The following PDE4D variants were observed in gnomAD, a reference collection of about 807,000 sequenced individuals.
PDE4D encodes the protein 3',5'-cyclic-AMP phosphodiesterase 4D.
Under a neutral mutation model 87.4 loss-of-function variants are expected in PDE4D, and 24 were observed. That is an observed-to-expected ratio of 0.27 (90% confidence interval 0.20 to 0.39). PDE4D has a LOEUF of 0.39. Among genes scored for constraint, PDE4D ranks in the 10% least tolerant of loss-of-function variants. PDE4D has a pLI of 1.00. For synonymous variants in PDE4D, 384 were observed against 383.2 expected (o/e 1.00, Z -0.02); for missense variants, 714 against 1,041.0 (o/e 0.69, Z 4.32).
chr5:59,480,661 T>C (rs1304382307), intron 1 of PDE4D, among the ~76,000 whole-genome samples: 3 of 152,180 alleles, frequency 2.0e-5, no homozygotes, highest in Non-Finnish European at 4.4e-5. Context: ...CCAGGCATTA[T>C]TTTCCAATAT....
At chr5:59,293,234 T>G (rs1425070368) in intron 1 of PDE4D, among the ~76,000 whole-genome samples, 1 of 152,174 alleles carries the variant, frequency 6.6e-6, no homozygotes, top group Non-Finnish European at 1.5e-5. Context: ...AAAAATACAG[T>G]TATTTAAATG....
chr5:60,479,685 G>A (rs1264066223), intron 1 of PDE4D, among the ~76,000 whole-genome samples: 3 of 152,216 alleles, frequency 2.0e-5, no homozygotes, highest in Non-Finnish European at 4.4e-5. Flanking sequence ...TGCCCTTACA[G>A]TGTGTGAAAG....
chr5:60,050,318 C>T (rs1769963542), intron 2 of PDE4D, among the ~76,000 whole-genome samples: 1 of 152,170 alleles, frequency 6.6e-6, no homozygotes, highest in Admixed American at 6.5e-5. Context: ...CAGAAATCAC[C>T]CGTCTTCTGT....
intron 1 of PDE4D, among the ~76,000 whole-genome samples, chr5:59,660,974 T>G (rs757930251): frequency 6.6e-6 from 1 of 151,516 alleles, no homozygotes; most frequent in African/African-American, 2.4e-5. Context: ...GCCAGTCTAT[T>G]TTATGGCTAA....
At chr5:59,681,850 G>A (rs1045230107) in intron 1 of PDE4D, among the ~76,000 whole-genome samples, 5 of 147,800 alleles carry the variant, frequency 3.4e-5, no homozygotes, top group East Asian at 2.0e-4. Flanking sequence ...GCAGTGAGCC[G>A]AGGCGGAGTC....
chr5:59,567,077 T>C (rs944993048), intron 1 of PDE4D, among the ~76,000 whole-genome samples: 6 of 152,226 alleles, frequency 3.9e-5, no homozygotes, highest in African/African-American at 1.4e-4. Flanking sequence ...ATTTGAGGCA[T>C]ATGAACTATT....
chr5:59,014,929 A>G (rs913824743), intron 6 of PDE4D, among the ~76,000 whole-genome samples: 1 of 152,214 alleles, frequency 6.6e-6, no homozygotes, highest in African/African-American at 2.4e-5. Flanking sequence ...ACAGAGATAT[A>G]GGCCAATGGA....
intron 1 of PDE4D, among the ~76,000 whole-genome samples, chr5:59,549,665 T>C (rs1817798465): frequency 6.6e-6 from 1 of 152,110 alleles, no homozygotes; most frequent in Non-Finnish European, 1.5e-5. Flanking sequence ...AATATACATT[T>C]CAGTGAAACT....
At chr5:59,762,323 CAT>C (rs1205439699) in intron 1 of PDE4D, among the ~76,000 whole-genome samples, 3 of 139,480 alleles carry the variant, frequency 2.2e-5, no homozygotes, top group Non-Finnish European at 3.0e-5. Flanking sequence ...TATGGGTACA[CAT>C]ATGCGTATAT....
At chr5:59,569,459 A>T (rs1821464177) in intron 1 of PDE4D, among the ~76,000 whole-genome samples, 1 of 152,220 alleles carries the variant, frequency 6.6e-6, no homozygotes, top group Non-Finnish European at 1.5e-5. Context: ...AAAGTTTTAC[A>T]CCAAACAAAA....
chr5:60,034,846 G>A (rs1430872691), intron 2 of PDE4D, among the ~76,000 whole-genome samples: 1 of 152,138 alleles, frequency 6.6e-6, no homozygotes, highest in African/African-American at 2.4e-5. Context: ...CTTGTGCTCA[G>A]GGGCACTGAG....
chr5:60,509,790 A>G (rs1750489983), intron 1 of PDE4D, among the ~76,000 whole-genome samples: 1 of 152,148 alleles, frequency 6.6e-6, no homozygotes, highest in Non-Finnish European at 1.5e-5. Flanking sequence ...CTAGAAGGCT[A>G]CACTCTTTGG....
intron 1 of PDE4D, among the ~76,000 whole-genome samples, chr5:60,212,009 C>T (rs1743277535): frequency 1.3e-5 from 2 of 152,170 alleles, no homozygotes; most frequent in Non-Finnish European, 2.9e-5. Context: ...GAAAGAGGCT[C>T]ATAAATCTAG....
intron 1 of PDE4D, among the ~76,000 whole-genome samples, chr5:59,520,032 TG>T (rs1254498365): frequency 6.6e-6 from 1 of 151,668 alleles, no homozygotes; most frequent in Non-Finnish European, 1.5e-5. Flanking sequence ...GAGGCTGAGG[TG>T]GGGGGATCAC....
intron 1 of PDE4D, among the ~76,000 whole-genome samples, chr5:59,585,451 G>A (rs1824962632): frequency 1.3e-5 from 2 of 152,140 alleles, no homozygotes; most frequent in South Asian, 4.1e-4. Flanking sequence ...CAGACAAACT[G>A]CATTTCCAAA....
chr5:59,425,457 C>T (rs1795053426), intron 1 of PDE4D, among the ~76,000 whole-genome samples: 1 of 152,050 alleles, frequency 6.6e-6, no homozygotes, highest in Admixed American at 6.6e-5. Flanking sequence ...CAGCTACTTC[C>T]CACTTATTAC....
At chr5:59,002,451 TTGAA>T (rs1750728487) in intron 6 of PDE4D, among the ~76,000 whole-genome samples, 1 of 152,114 alleles carries the variant, frequency 6.6e-6, no homozygotes, top group South Asian at 2.1e-4. Context: ...CCTGCTTTCT[TTGAA>T]TGTGCTATTG....
At chr5:60,045,521 T>A (rs576071031) in intron 2 of PDE4D, among the ~76,000 whole-genome samples, 2 of 152,162 alleles carry the variant, frequency 1.3e-5, no homozygotes, top group Admixed American at 1.3e-4. Context: ...CTTTAATCCA[T>A]CTTGAATTGA....
chr5:60,057,978 A>G (rs1178612049), intron 2 of PDE4D, among the ~76,000 whole-genome samples: 2 of 151,970 alleles, frequency 1.3e-5, no homozygotes, highest in Non-Finnish European at 2.9e-5. Flanking sequence ...GGAAAGATAG[A>G]TTCTCTAAAT....
Sources: gnomAD v4.1 joint callset for allele counts (sites outside exome capture counted in the v4.1 genomes callset) on GRCh38, gnomAD v4.1.1 for gene constraint, MANE v1.5 for transcripts, NCBI Gene and HGNC (gene_info 2026-07-23, HGNC 2026-07-21) for gene names.